GVQW3: variants seen among roughly 807,000 people sequenced by gnomAD.
GVQW3 encodes the protein protein GVQW3.
A neutral mutation model predicts 12.5 loss-of-function variants in GVQW3; 7 were observed. The ratio of observed to expected loss-of-function variants is 0.56; its 90% confidence interval spans 0.32 to 1.05. The LOEUF (loss-of-function observed/expected upper bound fraction) is 1.05, where lower values mean the gene tolerates loss of function less well. GVQW3 is among the 50% of genes least tolerant of loss of function. The probability of loss-of-function intolerance (pLI) is 0.04; values close to 1 mark genes in which losing one functional copy is unlikely to be tolerated. For synonymous variants in GVQW3, 71 were observed against 67.2 expected (o/e 1.06, Z -0.28); for missense variants, 188 against 190.8 (o/e 0.99, Z 0.09).
At chr11:76,412,096 G>A (rs1177897895), downstream of GVQW3, 3 of 152,184 alleles carry the variant, frequency 2.0e-5, no homozygotes, top group African/African-American at 7.2e-5. Context: ...CTCAACCGTT[G>A]TAAATTAATG....
At chr11:76,397,991 C>T (rs76272400) in intron 1 of GVQW3, among the ~76,000 whole-genome samples, 195 of 152,070 alleles carry the variant, frequency 1.3e-3, no homozygotes, top group African/African-American at 4.6e-3. Flanking sequence ...GAAAAGTAGC[C>T]TGGTGTGGTG....
chr11:76,396,588 T>A (rs1946941529), intron 1 of GVQW3, among the ~76,000 whole-genome samples: 1 of 152,202 alleles, frequency 6.6e-6, no homozygotes, highest in Admixed American at 6.5e-5. Context: ...GTGCTGAGAT[T>A]ACAGGCATGA....
At chr11:76,384,404 C>T (rs1380318440) in intron 1 of GVQW3, among the ~76,000 whole-genome samples, 3 of 152,212 alleles carry the variant, frequency 2.0e-5, no homozygotes, top group Admixed American at 2.0e-4. Flanking sequence ...CTCACTACAA[C>T]CTCCGCCTCC....
In GVQW3 at chr11:76,407,647, TA is replaced by T. The variant is rs1374033779; in HGVS notation, c.*3890del. 1.3e-5 allele frequency: 2 copies of T among 148,948 alleles called. No individual in the cohort carries two copies. Among genetic ancestry groups the T allele is most frequent in the African/African-American group, 5.2e-5 (2 of 38,776 alleles). The allele number at this position is 148,948 out of a possible 1,614,324, so 9.2% of individuals were successfully genotyped here. A position where few individuals can be genotyped will look rare whatever the true frequency, so the allele number is the denominator to read the frequency against. On this transcript the variant is annotated 3_prime_UTR_variant, in exon 2 of 2. Transcript: ENST00000529331. The stretch of plus-strand genomic sequence containing the variant: ...CTAGGAATCTTCTAGGACGATTTCT[TA>T]GGAATCTTTCTTAGGAAAACAGTCA...
intron 1 of GVQW3, among the ~76,000 whole-genome samples, chr11:76,390,931 A>T (rs1946885892): frequency 6.6e-6 from 1 of 152,196 alleles, no homozygotes; most frequent in South Asian, 2.1e-4. Flanking sequence ...ACAGCACAAC[A>T]CCTGGCATGG....
At chr11:76,393,659 C>T (rs890072378) in intron 1 of GVQW3, among the ~76,000 whole-genome samples, 2 of 152,102 alleles carry the variant, frequency 1.3e-5, no homozygotes, top group African/African-American at 4.8e-5. Flanking sequence ...CACCAACCCA[C>T]TCAGTGAAGC....
chr11:76,394,295 T>G (rs1248505707), intron 1 of GVQW3, among the ~76,000 whole-genome samples: 3 of 152,190 alleles, frequency 2.0e-5, no homozygotes. Context: ...TCTAACTATT[T>G]TTTGGTACCC....
At chr11:76,382,744 TC>T in intron 1 of GVQW3, 1 of 309,216 alleles carries the variant, frequency 3.2e-6, no homozygotes, top group East Asian at 5.6e-5. Flanking sequence ...GCTGTCCTGT[TC>T]CTTTGTTCTC....
intron 1 of GVQW3, among the ~76,000 whole-genome samples, chr11:76,401,902 C>T (rs1401959469): frequency 6.6e-6 from 1 of 152,030 alleles, no homozygotes; most frequent in Non-Finnish European, 1.5e-5. Flanking sequence ...GTTTCTATTT[C>T]TTGTAAATGC....
chr11:76,388,332 C>G (rs1018152667), intron 1 of GVQW3, among the ~76,000 whole-genome samples: 1 of 152,196 alleles, frequency 6.6e-6, no homozygotes, highest in Non-Finnish European at 1.5e-5. Flanking sequence ...TTGCACCTTG[C>G]AACTGGTGCT....
At chr11:76,409,935 T>C (rs1947069920), downstream of GVQW3, among the ~76,000 whole-genome samples, 1 of 152,118 alleles carries the variant, frequency 6.6e-6, no homozygotes, top group South Asian at 2.1e-4. Flanking sequence ...AGTCAACATG[T>C]CCAGTAAGTA....
Position 76,396,431 on chromosome 11 carries a change from C to T in GVQW3, c.466-7229C>T, listed in dbSNP as rs558928806. ...CCGGGCTCAAGGGATCCTCCCACCA[C>T]AGCCCCCGAAGTAGCTGGGACTGCA... On this transcript the variant is annotated intron_variant, in intron 1 of 1. Transcript: ENST00000529331. Among the ~76,000 whole-genome samples, 13 of 151,762 alleles carry T rather than the reference C, an allele frequency of 8.6e-5. No homozygotes were observed. In the South Asian group the frequency reaches 2.7e-3, roughly 32 times the overall value.
intron 1 of GVQW3, among the ~76,000 whole-genome samples, chr11:76,403,188 C>T (rs538636008): frequency 1.3e-3 from 205 of 152,252 alleles, no homozygotes; most frequent in African/African-American, 4.8e-3. Flanking sequence ...CCTCATGATC[C>T]GCCTGCCTCA....
chr11:76,390,574 G>A (rs758034746), intron 1 of GVQW3, among the ~76,000 whole-genome samples: 3 of 152,184 alleles, frequency 2.0e-5, no homozygotes, highest in Non-Finnish European at 4.4e-5. Context: ...GGTGGCTCAC[G>A]CCTGTAATCC....
intron 1 of GVQW3, among the ~76,000 whole-genome samples, chr11:76,399,138 T>G (rs1214243465): frequency 1.6e-4 from 24 of 151,746 alleles, no homozygotes; most frequent in African/African-American, 5.6e-4. Flanking sequence ...TCATTTTATT[T>G]TATTTTATTT....
intron 1 of GVQW3, chr11:76,383,254 A>G (rs1014244137): frequency 6.6e-6 from 1 of 152,258 alleles, no homozygotes. Flanking sequence ...ATTCCCACAC[A>G]GCAGCCTGTT....
rs965870357 is a variant in GVQW3, at chr11:76,404,186, C to T, written c.*428C>T. On this transcript the variant is annotated 3_prime_UTR_variant, in exon 2 of 2. Transcript: ENST00000529331. ...AGTGAGAAAGAGGGAAGGAATAGAA[C>T]GAGGAGTTCAATCTGTGACTGACAG... The T allele has an allele frequency of 1.9e-5, 8 of 413,978 alleles. No homozygotes were observed. The highest frequency in any genetic ancestry group is 6.1e-5 in the African/African-American group (3 of 49,032). The allele number at this position is 413,978 out of a possible 1,614,324, so 25.6% of individuals were successfully genotyped here.
chr11:76,412,856 G>A (rs938440008), downstream of GVQW3: 1 of 152,150 alleles, frequency 6.6e-6, no homozygotes, highest in African/African-American at 2.4e-5. Flanking sequence ...AAGCCTCTTG[G>A]CATGGGTCAC....
At position 76,381,723 on chromosome 11, in the gene GVQW3, C is replaced by A; in HGVS notation, c.-106C>A. On this transcript the variant is annotated 5_prime_UTR_variant, in exon 1 of 2. Coordinates refer to ENST00000529331, the MANE Select transcript of GVQW3 (RefSeq NM_001347885.2). ...TTTCCCGGCGAGGCTTCTAGAAGAG[C>A]AAGAAGAGCGATATGATTACACCTG... 1 of 1,065,426 alleles carries A rather than the reference C, an allele frequency of 9.4e-7. No individual in the cohort carries two copies. Among genetic ancestry groups the A allele is most frequent in the Non-Finnish European group, 1.3e-6 (1 of 770,390 alleles). 66.0% of individuals were successfully genotyped at this position (1,065,426 alleles called of 1,614,324 possible). A position where few individuals can be genotyped will look rare whatever the true frequency, so the allele number is the denominator to read the frequency against.
Sources: allele counts gnomAD v4.1 joint callset (sites outside exome capture counted in the v4.1 genomes callset), GRCh38; gene constraint gnomAD v4.1.1; transcripts MANE v1.5; gene names NCBI Gene and HGNC (gene_info 2026-07-23, HGNC 2026-07-21).